IL1RAPL1: variants seen among roughly 807,000 people sequenced by gnomAD.
IL1RAPL1 encodes interleukin 1 receptor accessory protein like 1.
In IL1RAPL1, 3 loss-of-function variants were observed where a neutral mutation model predicts 48.4. That is an observed-to-expected ratio of 0.06 (90% CI 0.03 to 0.16). The LOEUF is 0.16. Among genes scored for constraint, IL1RAPL1 ranks in the 10% least tolerant of loss-of-function variants. IL1RAPL1 has a pLI of 1.00. For synonymous variants in IL1RAPL1, 185 were observed against 187.7 expected, an observed-to-expected ratio of 0.99 and a Z score of 0.12; for missense variants, 349 against 530.6, an observed-to-expected ratio of 0.66 and a Z score of 3.36.
chrX:29,684,142 C>A (rs897688445), intron 6 of IL1RAPL1, among the ~76,000 whole-genome samples: 1 of 111,434 alleles, frequency 9.0e-6, no homozygotes, highest in African/African-American at 3.3e-5. Flanking sequence ...TATGTACCCA[C>A]AAAAATTTTA....
intron 2 of IL1RAPL1, among the ~76,000 whole-genome samples, chrX:29,087,658 T>C (rs1162257236): frequency 8.9e-6 from 1 of 112,238 alleles, no homozygotes; most frequent in East Asian, 2.8e-4. Flanking sequence ...ATCACAATGT[T>C]TCAATAACTA....
intron 2 of IL1RAPL1, among the ~76,000 whole-genome samples, chrX:28,931,901 G>A (rs1401774538): frequency 9.2e-6 from 1 of 108,508 alleles, no homozygotes; most frequent in Non-Finnish European, 1.9e-5. Context: ...AATTAGCTGG[G>A]CGTGGTGGTG....
chrX:29,283,145 G>T lies in IL1RAPL1; in HGVS notation c.290G>T (p.Ser97Ile). ...EPIAFDGSRMSKEEDSIWFRP... is the reference protein window; with the variant it reads ...EPIAFDGSRMIKEEDSIWFRP... ...ATAGCCTTTGACGGAAGTAGAATGA[G>T]CAAAGAAGAAGACTCCATTTGGTTC... Residue 97 changes from serine (S) to isoleucine (I), a missense_variant, in exon 3 of 11, where the codon AGC becomes ATC. Physicochemically the swap from Ser to Ile is moderately radical, Grantham distance 142. Around this residue, in one of 3 missense-constraint regions of IL1RAPL1, gnomAD observed 238 missense variants for 337.8 expected, o/e 0.70. Coordinates refer to ENST00000378993, the MANE Select transcript of IL1RAPL1 (RefSeq NM_014271.4). 3 of 1,211,539 alleles carry T rather than the reference G, an allele frequency of 2.5e-6. No homozygotes were observed. Among genetic ancestry groups the T allele is most frequent in the Non-Finnish European group, 3.4e-6 (3 of 895,270 alleles).
At chrX:29,281,929 G>C (rs1224880655) in intron 2 of IL1RAPL1, among the ~76,000 whole-genome samples, 1 of 111,544 alleles carries the variant, frequency 9.0e-6, no homozygotes, top group African/African-American at 3.3e-5. Flanking sequence ...TTTGGTTTCT[G>C]GCTTTTGGAT....
intron 2 of IL1RAPL1, among the ~76,000 whole-genome samples, chrX:29,131,108 T>C (rs1484163740): frequency 9.1e-6 from 1 of 110,393 alleles, no homozygotes; most frequent in African/African-American, 3.3e-5. Flanking sequence ...ACATTACATA[T>C]AGTAGCCCAG....
chrX:29,779,475 C>A (rs1369174933), intron 6 of IL1RAPL1, among the ~76,000 whole-genome samples: 2 of 110,980 alleles, frequency 1.8e-5, no homozygotes, highest in Non-Finnish European at 3.8e-5. Flanking sequence ...GAATGAGGAT[C>A]AATAAACTGC....
intron 8 of IL1RAPL1, 146 bp from the exon 9 acceptor site, chrX:29,941,505 A>T: frequency 1.7e-6 from 1 of 589,699 alleles, no homozygotes; most frequent in Non-Finnish European, 2.9e-6. Context: ...AAAAGGTCAA[A>T]TTCTCATGCA....
chrX:29,611,342 A>C (rs1273708681), intron 5 of IL1RAPL1, among the ~76,000 whole-genome samples: 1 of 112,162 alleles, frequency 8.9e-6, no homozygotes, highest in Non-Finnish European at 1.9e-5. Context: ...CATTAATCCC[A>C]GGTCTTAGGT....
chrX:29,630,737 A>G (rs1413759798), intron 5 of IL1RAPL1, among the ~76,000 whole-genome samples: 1 of 111,036 alleles, frequency 9.0e-6, no homozygotes, highest in African/African-American at 3.3e-5. Context: ...ACAGGGTTTC[A>G]CCCTGTTAGC....
At chrX:29,750,257 T>C (rs762878794) in intron 6 of IL1RAPL1, among the ~76,000 whole-genome samples, 3 of 112,323 alleles carry the variant, frequency 2.7e-5, no homozygotes, top group African/African-American at 9.7e-5. Context: ...AGATGCTTCG[T>C]ATTTGTATCC....
Position 29,453,192 on chromosome X carries a change from A to G in IL1RAPL1, c.703+53884A>G, listed in dbSNP as rs1209775502. Among the ~76,000 whole-genome samples, 3 of 110,039 alleles carry G rather than the reference A, an allele frequency of 2.7e-5. No individual in the cohort carries two copies. The Admixed American group carries it at 2.9e-4, about 11-fold the overall frequency. On this transcript the variant is annotated intron_variant, in intron 5 of 10. Coordinates refer to ENST00000378993, the MANE Select transcript of IL1RAPL1 (RefSeq NM_014271.4). ...CCGCCACCTCGGCCTCCCAAAGTGC[A>G]GATTTTGTTTCTCACATAATGAGAA...
chrX:29,480,319 C>G (rs1325986346), intron 5 of IL1RAPL1, among the ~76,000 whole-genome samples: 5 of 44,925 alleles, frequency 1.1e-4, no homozygotes, highest in African/African-American at 7.0e-4. Context: ...TATATATATG[C>G]ATACCTTTGA....
At chrX:29,215,057 A>G (rs1309610247) in intron 2 of IL1RAPL1, among the ~76,000 whole-genome samples, 1 of 111,545 alleles carries the variant, frequency 9.0e-6, no homozygotes, top group Non-Finnish European at 1.9e-5. Flanking sequence ...ATTTTTTTTT[A>G]AAGGATTGGG....
intron 2 of IL1RAPL1, among the ~76,000 whole-genome samples, chrX:29,026,603 G>A (rs1045586470): frequency 1.8e-5 from 2 of 111,769 alleles, no homozygotes; most frequent in African/African-American, 3.2e-5. Flanking sequence ...AATAGAAAGT[G>A]TAGTTATTAT....
chrX:29,896,783 C>G (rs1419432216), intron 6 of IL1RAPL1, among the ~76,000 whole-genome samples: 1 of 111,505 alleles, frequency 9.0e-6, no homozygotes, highest in Non-Finnish European at 1.9e-5. Flanking sequence ...GAGAGCAATC[C>G]CAGGTCCAAA....
At chrX:29,015,049 T>TA (rs1283418087) in intron 2 of IL1RAPL1, among the ~76,000 whole-genome samples, 2 of 110,816 alleles carry the variant, frequency 1.8e-5, no homozygotes, top group African/African-American at 3.3e-5. Context: ...ACATTTTATC[T>TA]AAAAAAGGGA....
intron 6 of IL1RAPL1, among the ~76,000 whole-genome samples, chrX:29,688,354 T>G (rs1311978333): frequency 1.8e-5 from 2 of 111,312 alleles, no homozygotes; most frequent in African/African-American, 6.5e-5. Flanking sequence ...TGATCAACAT[T>G]GCCTCCTCAT....
At chrX:28,741,233 CT>C (rs761706665) in intron 1 of IL1RAPL1, among the ~76,000 whole-genome samples, 1 of 111,618 alleles carries the variant, frequency 9.0e-6, no homozygotes, top group African/African-American at 3.2e-5. Flanking sequence ...AATAGTCATT[CT>C]GATGGGTGTG....
chrX:29,304,050 C>T (rs1260350055), intron 3 of IL1RAPL1, among the ~76,000 whole-genome samples: 1 of 111,963 alleles, frequency 8.9e-6, no homozygotes, highest in African/African-American at 3.2e-5. Context: ...CCGGCACACA[C>T]TTATTGGACG....
Sources: allele counts gnomAD v4.1 joint callset (sites outside exome capture counted in the v4.1 genomes callset), GRCh38; gene constraint gnomAD v4.1.1; regional missense constraint gnomAD v4.1.1; transcripts MANE v1.5; gene names NCBI Gene and HGNC (gene_info 2026-07-23, HGNC 2026-07-21).